The following CCDC62 variants were observed in gnomAD, a reference collection of about 807,000 sequenced individuals.
The protein encoded by CCDC62 is coiled-coil domain containing 62, also known as coiled-coil domain-containing protein 62.
CCDC62 carries 72 observed loss-of-function variants against 80.8 expected under a neutral mutation model. The observed-to-expected ratio is 0.89, with a 90% confidence interval of 0.74 to 1.08. The LOEUF is 1.08. Among genes scored for constraint, CCDC62 ranks in the 50% least tolerant of loss-of-function variants. The probability of loss-of-function intolerance (pLI) is 0.00; values close to 1 mark genes in which losing one functional copy is unlikely to be tolerated. For synonymous variants in CCDC62, 286 were observed against 296.5 expected (o/e 0.96, Z 0.36); for missense variants, 704 against 809.4 (o/e 0.87, Z 1.58).
chr12:122,817,648 A>T (rs1048042610), intron 11 of CCDC62, among the ~76,000 whole-genome samples: 25 of 152,162 alleles, frequency 1.6e-4, no homozygotes, highest in African/African-American at 5.8e-4. Flanking sequence ...CCAAACAAGC[A>T]TTATAGCAAC....
intron 5 of CCDC62, 59 bp from the exon 6 acceptor site, chr12:122,791,952 CATAGTGTGT>C: frequency 9.9e-7 from 1 of 1,010,308 alleles, no homozygotes; most frequent in South Asian, 1.3e-5. Context: ...GAGAGTTAGG[CATAGTGTGT>C]ATATGAGGAC....
intron 3 of CCDC62, among the ~76,000 whole-genome samples, chr12:122,782,141 C>T (rs966598089): frequency 1.3e-5 from 2 of 152,166 alleles, no homozygotes; most frequent in Middle Eastern, 3.4e-3. Context: ...CCAAGTCCAG[C>T]CTGGGCAACA....
At chr12:122,807,766 C>T (rs1593818167) in intron 10 of CCDC62, among the ~76,000 whole-genome samples, 1 of 152,220 alleles carries the variant, frequency 6.6e-6, no homozygotes, top group Non-Finnish European at 1.5e-5. Context: ...CTGCCCTGTG[C>T]GTCCCTCCCT....
chr12:122,823,373 A>G lies in CCDC62; in HGVS notation c.2009A>G (p.Glu670Gly). The G allele has an allele frequency of 6.2e-7, 1 of 1,612,698 alleles. No individual in the cohort carries two copies. The highest frequency in any genetic ancestry group is 8.5e-7 in the Non-Finnish European group (1 of 1,178,722). Reference protein sequence around the residue: ...NLTGSATNKSEVPEESAQKNT... With the variant: ...NLTGSATNKSGVPEESAQKNT... ...CTGGGAGTTGTTTTCTAGAAGTCAG[A>G]GGTCCCAGAAGAGTCAGCTCAAAAA... is the stretch of plus-strand genomic sequence containing the variant. Residue 670 changes from glutamate to glycine, a missense_variant, in exon 12 of 13, where the codon GAG becomes GGG. By Grantham distance (98) the Glu-to-Gly change is moderately conservative. Transcript: ENST00000253079.
chr12:122,789,579 C>T (rs1175991763), intron 5 of CCDC62, among the ~76,000 whole-genome samples: 1 of 151,974 alleles, frequency 6.6e-6, no homozygotes, highest in Non-Finnish European at 1.5e-5. Context: ...ATTACAGGCA[C>T]CTACCACCAT....
intron 6 of CCDC62, among the ~76,000 whole-genome samples, chr12:122,792,364 G>T (rs1268072594): frequency 1.3e-5 from 2 of 151,730 alleles, no homozygotes; most frequent in Non-Finnish European, 2.9e-5. Flanking sequence ...GGGGTTACTG[G>T]TATGAGCCAC....
Position 122,792,055 on chromosome 12 carries a change from C to A in CCDC62, c.706C>A (p.Gln236Lys), listed in dbSNP as rs1442547280. 6.2e-7 allele frequency: 1 copy of A among 1,613,840 alleles called. No homozygotes were observed. ...TGAAAAGACGACAGAAAATAATGAGCAACGAGAAGAGATCATTCGCCTCAA... is the reference window on the plus strand; with the variant it reads ...TGAAAAGACGACAGAAAATAATGAGAAACGAGAAGAGATCATTCGCCTCAA... ...LNEKTTENNE[Q>K]REEIIRLKQE... is the part of the protein sequence containing the mutation. Residue 236 changes from glutamine to lysine, a missense_variant, in exon 6 of 13, where the codon CAA (glutamine) becomes AAA (lysine). Gln to Lys is a moderately conservative substitution (Grantham distance 53, BLOSUM62 1). Transcript: ENST00000253079.
At chr12:122,778,603 G>A (rs1196961225) in intron 2 of CCDC62, among the ~76,000 whole-genome samples, 1 of 152,108 alleles carries the variant, frequency 6.6e-6, no homozygotes, top group African/African-American at 2.4e-5. Flanking sequence ...TTTTTGGTGG[G>A]GTGCGGTGGC....
intron 11 of CCDC62, among the ~76,000 whole-genome samples, chr12:122,822,844 G>A (rs1051308200): frequency 6.6e-6 from 1 of 152,094 alleles, no homozygotes; most frequent in African/African-American, 2.4e-5. Flanking sequence ...TCCATTGTGC[G>A]TATATACTAC....
At chr12:122,778,307 T>G (rs1217707148) in intron 2 of CCDC62, among the ~76,000 whole-genome samples, 1 of 150,548 alleles carries the variant, frequency 6.6e-6, no homozygotes, top group Non-Finnish European at 1.5e-5. Context: ...TGAGCCAAGA[T>G]TGCGCCACTG....
intron 8 of CCDC62, 28 bp downstream of exon 8, chr12:122,798,228 G>T: frequency 9.5e-7 from 1 of 1,049,676 alleles, no homozygotes; most frequent in South Asian, 1.3e-5. Flanking sequence ...CAATTAATAT[G>T]ATCTTGTATT....
intron 3 of CCDC62, among the ~76,000 whole-genome samples, chr12:122,784,652 G>C (rs915490693): frequency 6.6e-6 from 1 of 152,042 alleles, no homozygotes; most frequent in African/African-American, 2.4e-5. Flanking sequence ...GCAACATAGC[G>C]AGACCCTCTC....
chr12:122,821,676 G>A (rs375509727), intron 11 of CCDC62, among the ~76,000 whole-genome samples: 6 of 151,890 alleles, frequency 4.0e-5, no homozygotes, highest in African/African-American at 1.5e-4. Context: ...CAAACTCCTG[G>A]GCTCAAGAGA....
In CCDC62 at chr12:122,818,322, G is replaced by A. The variant is rs952683487; in HGVS notation, c.2001+4903G>A. Among the ~76,000 whole-genome samples the A allele has an allele frequency of 5.9e-5, 9 of 152,134 alleles. No homozygotes were observed. The East Asian group carries it at 1.4e-3, about 23-fold the overall frequency. Reference sequence around the variant, plus strand: ...AAAAAAATTAGCTGGGCGTGGTGGCGGGCGCCTGTAGTCCCGGCTACTTGA... The same window carrying A: ...AAAAAAATTAGCTGGGCGTGGTGGCAGGCGCCTGTAGTCCCGGCTACTTGA... On this transcript the variant is annotated intron_variant, in intron 11 of 12. Transcript: ENST00000253079.
chr12:122,784,922 C>T (rs182556617), intron 3 of CCDC62, among the ~76,000 whole-genome samples: 10 of 152,042 alleles, frequency 6.6e-5, no homozygotes, highest in Non-Finnish European at 8.8e-5. Flanking sequence ...GCAGATCACC[C>T]GAAGTCAAGA....
At chr12:122,796,874 CTTCTTTTTT>C (rs1235357617) in intron 6 of CCDC62, among the ~76,000 whole-genome samples, 1 of 145,538 alleles carries the variant, frequency 6.9e-6, no homozygotes, top group Non-Finnish European at 1.5e-5. Flanking sequence ...CAAATCACTT[CTTCTTTTTT>C]TTTTTTTTTT....
intron 9 of CCDC62, among the ~76,000 whole-genome samples, chr12:122,804,002 C>T (rs2031447714): frequency 6.6e-6 from 1 of 152,182 alleles, no homozygotes; most frequent in Admixed American, 6.5e-5. Context: ...GCCAAGATAT[C>T]ACATGACAAA....
At chr12:122,787,660 A>C (rs1015896425) in intron 4 of CCDC62, among the ~76,000 whole-genome samples, 1 of 151,888 alleles carries the variant, frequency 6.6e-6, no homozygotes, top group Non-Finnish European at 1.5e-5. Context: ...CTGAGGCAGG[A>C]GAATTGCTTG....
intron 11 of CCDC62, among the ~76,000 whole-genome samples, chr12:122,814,155 C>T (rs2032061174): frequency 6.6e-6 from 1 of 151,642 alleles, no homozygotes; most frequent in African/African-American, 2.4e-5. Flanking sequence ...GTGGCACATG[C>T]CTGTAATCCC....
Sources: gnomAD v4.1 joint callset for allele counts (sites outside exome capture counted in the v4.1 genomes callset) on GRCh38, gnomAD v4.1.1 for gene constraint, MANE v1.5 for transcripts, NCBI Gene and HGNC (gene_info 2026-07-23, HGNC 2026-07-21) for gene names.